PRKCD: variants seen among roughly 807,000 people sequenced by gnomAD.
PRKCD encodes protein kinase C delta type.
Under a neutral mutation model 82.2 loss-of-function variants are expected in PRKCD, and 20 were observed. The observed-to-expected ratio is 0.24, with a 90% CI of 0.17 to 0.35. The LOEUF is 0.35. PRKCD is among the 10% of genes least tolerant of loss of function. The pLI is 1.00. For missense variants in PRKCD, 607 were observed against 899.0 expected, an observed-to-expected ratio of 0.68 and a Z score of 4.15; for synonymous variants, 317 against 337.0, an observed-to-expected ratio of 0.94 and a Z score of 0.65.
chr3:53,185,061 C>A, intron 10 of PRKCD, 87 bp downstream of exon 10: 2 of 1,220,104 alleles, frequency 1.6e-6, no homozygotes, highest in Non-Finnish European at 2.4e-6. Flanking sequence ...GAGCCACAGA[C>A]AGCCAGGATA....
At chr3:53,185,119 A>T in intron 10 of PRKCD, 145 bp downstream of exon 10, 1 of 693,808 alleles carries the variant, frequency 1.4e-6, no homozygotes, top group Non-Finnish European at 2.4e-6. Context: ...TCAAGAATTT[A>T]GGCAGCAGAG....
intron 2 of PRKCD, among the ~76,000 whole-genome samples, chr3:53,175,263 T>G (rs1703174880): frequency 6.6e-6 from 1 of 152,164 alleles, no homozygotes; most frequent in South Asian, 2.1e-4. Context: ...CCCAGGCTGC[T>G]GGGCAGGCGG....
At chr3:53,162,866 CAT>C (rs1302392306) in intron 1 of PRKCD, among the ~76,000 whole-genome samples, 2 of 152,050 alleles carry the variant, frequency 1.3e-5, no homozygotes, top group Non-Finnish European at 2.9e-5. Flanking sequence ...CCACCAGTCT[CAT>C]GTGTGAGTGT....
At chr3:53,190,040 A>T in intron 18 of PRKCD, 39 bp downstream of exon 18, 1 of 1,610,692 alleles carries the variant, frequency 6.2e-7, no homozygotes, top group Non-Finnish European at 8.5e-7. Flanking sequence ...AGGCTGAGCT[A>T]CTCCTCTCCT....
At chr3:53,186,462 C>A (rs546041979) in intron 13 of PRKCD, 122 bp downstream of exon 13, 7 of 1,395,918 alleles carry the variant, frequency 5.0e-6, no homozygotes, top group South Asian at 1.3e-5. Context: ...TGCTTTCCCC[C>A]CTCATGCCTC....
At chr3:53,184,820 C>G in intron 9 of PRKCD, 54 bp from the exon 10 acceptor site, 1 of 1,520,176 alleles carries the variant, frequency 6.6e-7, no homozygotes. Context: ...CTACACTGCC[C>G]CCTGCCCTTG....
At position 53,183,097 on chromosome 3, in the gene PRKCD, C is replaced by T. The variant is rs544971256; in HGVS notation, c.572-24C>T. Reference sequence around the variant, plus strand: ...CCCCTCCCGGTGCTTTCCCTTCCCCCTCCTGGGCCTGTGCCTCTTCAAGAA... The same window carrying T: ...CCCCTCCCGGTGCTTTCCCTTCCCCTTCCTGGGCCTGTGCCTCTTCAAGAA... On this transcript the variant is annotated intron_variant, in intron 7 of 18. Coordinates refer to ENST00000330452, the MANE Select transcript of PRKCD (RefSeq NM_006254.4). 136 of 1,613,148 alleles carry T rather than the reference C, an allele frequency of 8.4e-5. No homozygotes were observed. In the East Asian group the frequency reaches 2.3e-3, roughly 27 times the overall value.
intron 7 of PRKCD, 98 bp downstream of exon 7, chr3:53,181,830 G>A: frequency 6.5e-7 from 1 of 1,543,322 alleles, no homozygotes; most frequent in Non-Finnish European, 8.9e-7. Context: ...CGCTCAGAGA[G>A]TGTATGCACG....
chr3:53,165,382 A>G (rs1702800802), intron 2 of PRKCD, among the ~76,000 whole-genome samples, 167 bp downstream of exon 2: 1 of 152,174 alleles, frequency 6.6e-6, no homozygotes, highest in South Asian at 2.1e-4. Flanking sequence ...TGCCCTGTCT[A>G]TGAGGGGCTC....
chr3:53,165,886 C>G lies in PRKCD; in HGVS notation c.-20+671C>G, dbSNP rs532236090. ...TTCCTTGTTTTGGGGCGAGCCTTGCCTCCTTCAGCCCTATTACCATGAAAA... is the reference window on the plus strand; with the variant it reads ...TTCCTTGTTTTGGGGCGAGCCTTGCGTCCTTCAGCCCTATTACCATGAAAA... On this transcript the variant is annotated intron_variant, in intron 2 of 18. Coordinates refer to ENST00000330452, the MANE Select transcript of PRKCD (RefSeq NM_006254.4). Among the ~76,000 whole-genome samples, 4 of 152,344 alleles carry G rather than the reference C, an allele frequency of 2.6e-5. 1 individual carries two copies. In the East Asian group the frequency reaches 5.8e-4, roughly 22 times the overall value.
In PRKCD at chr3:53,183,411, G is replaced by A. The variant is rs1265982736; in HGVS notation, c.658-41G>A. On this transcript the variant is annotated intron_variant, in intron 8 of 18. Transcript: ENST00000330452. ...GCTAGGGGTTGAAGAAGAGGCTGGA[G>A]CTGGCACGTGACCCTCAGCCTGTGA... 2.5e-6 allele frequency: 4 copies of A among 1,611,264 alleles called. No individual in the cohort carries two copies. The South Asian group carries it at 3.3e-5, about 13-fold the overall frequency.
In PRKCD at chr3:53,178,612, C is replaced by T. The variant is rs568597724; in HGVS notation, c.115+75C>T. The T allele has an allele frequency of 3.3e-5, 42 of 1,283,352 alleles. No homozygotes were observed. In the East Asian group the frequency reaches 9.9e-4, roughly 30 times the overall value. The allele number at this position is 1,283,352 out of a possible 1,614,324, so 79.5% of individuals were successfully genotyped here. A position where few individuals can be genotyped will look rare whatever the true frequency, so the allele number is the denominator to read the frequency against. ...CTGGAAGGACTGGAGGGGGCCTGGC[C>T]TTGTTCCCTGCAACCTCTGAAGGAT... On this transcript the variant is annotated intron_variant, in intron 3 of 18. Coordinates refer to ENST00000330452, the MANE Select transcript of PRKCD (RefSeq NM_006254.4).
At position 53,169,733 on chromosome 3, in the gene PRKCD, G is replaced by A. The variant is rs1169719390; in HGVS notation, c.-20+4518G>A. On this transcript the variant is annotated intron_variant, in intron 2 of 18. Coordinates refer to ENST00000330452, the MANE Select transcript of PRKCD (RefSeq NM_006254.4). This position sits in a 1 kb window ranked among gnomAD's most constrained non-coding sequence, Gnocchi z 4.7. ...AGTAGCTGGCCAGCCTCTGCCAGTG[G>A]ACTCATGCTGCCTGCTTCAGCCCAG... 2.0e-5 allele frequency among the ~76,000 whole-genome samples: 3 copies of A among 152,198 alleles called. No homozygotes were observed. Among genetic ancestry groups the A allele is most frequent in the African/African-American group, 7.2e-5 (3 of 41,448 alleles).
Position 53,172,596 on chromosome 3 carries a change from G to T in PRKCD, c.-19-5808G>T, listed in dbSNP as rs151114218. Among the ~76,000 whole-genome samples, 397 of 152,352 alleles carry T rather than the reference G, an allele frequency of 2.6e-3. 4 individuals carry two copies. Among genetic ancestry groups the T allele is most frequent in the African/African-American group, 8.6e-3 (358 of 41,574 alleles). ...CTGCCATGCAGTTGTGACTTCCGTG[G>T]CAGGTGTCAGGTGTGTGGGGGAGAA... On this transcript the variant is annotated intron_variant, in intron 2 of 18. Transcript: ENST00000330452.
chr3:53,178,280 T>G (rs560045144), intron 2 of PRKCD, 124 bp from the exon 3 acceptor site: 57 of 584,034 alleles, frequency 9.8e-5, no homozygotes, highest in Non-Finnish European at 1.5e-4. Context: ...CTAGTGTGTG[T>G]GTGCATCATG....
At chr3:53,187,000 C>T (rs1397284653) in intron 14 of PRKCD, among the ~76,000 whole-genome samples, 4 of 152,206 alleles carry the variant, frequency 2.6e-5, no homozygotes, top group African/African-American at 4.8e-5. Flanking sequence ...GACCCTGGTG[C>T]GTGGCCCCCA....
intron 2 of PRKCD, among the ~76,000 whole-genome samples, chr3:53,172,614 G>T (rs10865979): frequency 0.98 from 149,071 of 152,306 alleles, 73,020 homozygotes; most frequent in East Asian, 1. Flanking sequence ...CAGGTGTGTG[G>T]GGGAGAAGGC....
rs782001676 is a variant in PRKCD at position 53,183,416 on chromosome 3, C to T, written c.658-36C>T. 2.5e-6 allele frequency: 4 copies of T among 1,611,722 alleles called. No homozygotes were observed. The South Asian group carries it at 4.4e-5, about 18-fold the overall frequency. Reference sequence around the variant, plus strand: ...GGGTTGAAGAAGAGGCTGGAGCTGGCACGTGACCCTCAGCCTGTGATACCC... The same window carrying T: ...GGGTTGAAGAAGAGGCTGGAGCTGGTACGTGACCCTCAGCCTGTGATACCC... On this transcript the variant is annotated intron_variant, in intron 8 of 18. Coordinates refer to ENST00000330452, the MANE Select transcript of PRKCD (RefSeq NM_006254.4).
At chr3:53,170,186 C>T (rs1232876277) in intron 2 of PRKCD, among the ~76,000 whole-genome samples, 2 of 152,202 alleles carry the variant, frequency 1.3e-5, no homozygotes, top group Non-Finnish European at 2.9e-5. Flanking sequence ...GGCTCTTGTA[C>T]TGGGGGCTGA....
Sources: gnomAD v4.1 joint callset for allele counts (sites outside exome capture counted in the v4.1 genomes callset) on GRCh38, gnomAD v4.1.1 for gene constraint, Gnocchi (gnomAD v3.1) non-coding constraint, MANE v1.5 for transcripts, NCBI Gene and HGNC (gene_info 2026-07-23, HGNC 2026-07-21) for gene names.